UNC13C: variants seen among roughly 807,000 people sequenced by gnomAD.
The protein encoded by UNC13C is unc-13 homolog C.
UNC13C carries 174 observed loss-of-function variants against 245.4 expected under a neutral mutation model. The ratio of observed to expected loss-of-function variants is 0.71; its 90% CI spans 0.63 to 0.80. The LOEUF is 0.80. Ranked by LOEUF, UNC13C falls within the 30% of genes least tolerant of loss-of-function variation. UNC13C has a pLI of 0.00. For synonymous variants in UNC13C, 992 were observed against 895.1 expected (o/e 1.11, Z -1.93); for missense variants, 2,829 against 2,602.9 (o/e 1.09, Z -1.89).
At chr15:54,420,205 C>T (rs140353519) in intron 19 of UNC13C, among the ~76,000 whole-genome samples, 60 of 152,118 alleles carry the variant, frequency 3.9e-4, no homozygotes, top group African/African-American at 1.3e-3. Flanking sequence ...TGGCAACATA[C>T]GTAAGTAGCT....
chr15:54,620,796 A>C (rs1443395971), intron 30 of UNC13C, among the ~76,000 whole-genome samples: 1 of 151,946 alleles, frequency 6.6e-6, no homozygotes, highest in African/African-American at 2.4e-5. Context: ...AAAAAAAAAA[A>C]AAAAACCTCT....
intron 32 of UNC13C, 91 bp downstream of exon 32, chr15:54,624,045 G>A (rs1900980950): frequency 2.0e-6 from 3 of 1,477,238 alleles, no homozygotes; most frequent in Admixed American, 3.9e-5. Flanking sequence ...AAGGGCTAAG[G>A]AAAATGAAGA....
chr15:54,203,505 C>T (rs372727086), intron 4 of UNC13C, among the ~76,000 whole-genome samples: 243 of 115,270 alleles, frequency 2.1e-3, no homozygotes, highest in East Asian at 6.8e-3. Flanking sequence ...TATATATATA[C>T]ACACACACAC....
intron 19 of UNC13C, among the ~76,000 whole-genome samples, chr15:54,481,117 C>T (rs527674274): frequency 6.6e-6 from 1 of 152,276 alleles, no homozygotes; most frequent in East Asian, 1.9e-4. Context: ...TGGCTGTAAT[C>T]AGTATCATTA....
chr15:54,566,072 C>A (rs540255533), intron 29 of UNC13C, among the ~76,000 whole-genome samples: 19 of 152,036 alleles, frequency 1.2e-4, no homozygotes, highest in South Asian at 1.2e-3. Flanking sequence ...GAGTTCCCCC[C>A]CTACTCTTGG....
At chr15:54,066,816 A>G (rs533748838) in intron 2 of UNC13C, among the ~76,000 whole-genome samples, 2 of 152,306 alleles carry the variant, frequency 1.3e-5, no homozygotes, top group Middle Eastern at 3.4e-3. Flanking sequence ...TAAGATGTCC[A>G]TCTGGTTTTG....
chr15:54,250,574 A>C, intron 8 of UNC13C, 130 bp downstream of exon 8: 1 of 753,942 alleles, frequency 1.3e-6, no homozygotes, highest in Non-Finnish European at 2.1e-6. Context: ...CACTTACACA[A>C]AGATACACAT....
chr15:54,199,869 C>T (rs1257414298), intron 4 of UNC13C, among the ~76,000 whole-genome samples: 1 of 151,972 alleles, frequency 6.6e-6, no homozygotes, highest in African/African-American at 2.4e-5. Context: ...TGTAAATGGC[C>T]TAAATGTTCT....
At chr15:54,270,663 T>C (rs1453201399) in intron 10 of UNC13C, among the ~76,000 whole-genome samples, 1 of 151,952 alleles carries the variant, frequency 6.6e-6, no homozygotes, top group African/African-American at 2.4e-5. Context: ...AATAGGTTGC[T>C]GTAAAAAGAA....
At chr15:54,247,114 A>T (rs1209112295) in intron 7 of UNC13C, among the ~76,000 whole-genome samples, 4 of 152,074 alleles carry the variant, frequency 2.6e-5, no homozygotes, top group Admixed American at 1.3e-4. Context: ...GCTCTTATTT[A>T]CAGCTGATTA....
At chr15:54,082,762 C>T (rs1410636721) in intron 2 of UNC13C, among the ~76,000 whole-genome samples, 1 of 151,690 alleles carries the variant, frequency 6.6e-6, no homozygotes, top group Non-Finnish European at 1.5e-5. Flanking sequence ...TTATCTTTTC[C>T]CTTGAGGGTA....
At chr15:53,980,732 C>G (rs1393100591) in intron 1 of UNC13C, among the ~76,000 whole-genome samples, 1 of 152,156 alleles carries the variant, frequency 6.6e-6, no homozygotes, top group Non-Finnish European at 1.5e-5. Context: ...AGATCATCAT[C>G]ACTATGTGCT....
At chr15:54,348,843 T>C (rs2038917793) in intron 17 of UNC13C, among the ~76,000 whole-genome samples, 1 of 152,134 alleles carries the variant, frequency 6.6e-6, no homozygotes, top group Non-Finnish European at 1.5e-5. Flanking sequence ...ACTCTTAATT[T>C]GAAACATGAT....
At chr15:54,571,864 AC>A (rs1430547077) in intron 30 of UNC13C, among the ~76,000 whole-genome samples, 1 of 152,204 alleles carries the variant, frequency 6.6e-6, no homozygotes, top group East Asian at 1.9e-4. Flanking sequence ...CTCATTTGTG[AC>A]CAACTCTGAT....
At chr15:54,264,626 GT>G (rs2036507997) in intron 9 of UNC13C, among the ~76,000 whole-genome samples, 1 of 144,708 alleles carries the variant, frequency 6.9e-6, no homozygotes, top group Non-Finnish European at 1.5e-5. Context: ...AAAAGTTTCT[GT>G]TTTTCAATAT....
At chr15:54,170,943 G>C (rs1037072689) in intron 4 of UNC13C, among the ~76,000 whole-genome samples, 4 of 152,046 alleles carry the variant, frequency 2.6e-5, no homozygotes, top group Admixed American at 2.6e-4. Context: ...GAATTGAGGG[G>C]GTTTGTTTAC....
intron 19 of UNC13C, among the ~76,000 whole-genome samples, chr15:54,455,574 C>A (rs1459336042): frequency 1.6e-4 from 24 of 145,582 alleles, no homozygotes; most frequent in Non-Finnish European, 3.6e-4. Context: ...TAAGGTGGTA[C>A]TGCACTGTGG....
chr15:54,470,466 T>C (rs1329516888), intron 19 of UNC13C, among the ~76,000 whole-genome samples: 1 of 151,554 alleles, frequency 6.6e-6, no homozygotes, highest in East Asian at 1.9e-4. Flanking sequence ...TGTGATTCAG[T>C]CTTGGTAGGT....
At chr15:54,352,902 T>G (rs1268088879) in intron 17 of UNC13C, among the ~76,000 whole-genome samples, 1 of 152,210 alleles carries the variant, frequency 6.6e-6, no homozygotes. Flanking sequence ...ATGCAGTTTA[T>G]GTATCCTGTT....
Sources: gnomAD v4.1 joint callset for allele counts (sites outside exome capture counted in the v4.1 genomes callset) on GRCh38, gnomAD v4.1.1 for gene constraint, MANE v1.5 for transcripts, NCBI Gene and HGNC (gene_info 2026-07-23, HGNC 2026-07-21) for gene names.